Variants in PPM1E observed in about 807,000 individuals in gnomAD.
PPM1E encodes protein phosphatase 1E.
PPM1E carries 20 observed loss-of-function variants against 65.9 expected under a neutral mutation model. The ratio of observed to expected loss-of-function variants is 0.30; its 90% CI spans 0.21 to 0.44. PPM1E has a LOEUF of 0.44. PPM1E is among the 20% of genes least tolerant of loss of function. The pLI is 1.00. For missense variants in PPM1E, 713 were observed against 953.1 expected (o/e 0.75, Z 3.32); for synonymous variants, 352 against 374.9 (o/e 0.94, Z 0.70).
chr17:58,937,908 A>G (rs1384366815), intron 1 of PPM1E, among the ~76,000 whole-genome samples: 2 of 148,122 alleles, frequency 1.4e-5, no homozygotes, highest in South Asian at 2.1e-4. Context: ...AAGAAAGAAA[A>G]GAAAGAAAGA....
At chr17:58,791,994 T>G (rs529161982) in intron 1 of PPM1E, among the ~76,000 whole-genome samples, 1 of 152,268 alleles carries the variant, frequency 6.6e-6, no homozygotes, top group African/African-American at 2.4e-5. Context: ...TGCCCATTTC[T>G]TCCCTATACA....
chr17:58,922,665 T>C (rs2051767556), intron 1 of PPM1E, among the ~76,000 whole-genome samples: 1 of 151,570 alleles, frequency 6.6e-6, no homozygotes, highest in Non-Finnish European at 1.5e-5. Flanking sequence ...GTGAACATCT[T>C]TAAATATATG....
chr17:58,840,317 G>T (rs2143213403), intron 1 of PPM1E, among the ~76,000 whole-genome samples: 1 of 152,290 alleles, frequency 6.6e-6, no homozygotes, highest in East Asian at 1.9e-4. Context: ...GATACCACAT[G>T]GCTCAAAACC....
chr17:58,795,428 T>G (rs1235373683), intron 1 of PPM1E, among the ~76,000 whole-genome samples: 1 of 152,038 alleles, frequency 6.6e-6, no homozygotes, highest in Admixed American at 6.6e-5. Flanking sequence ...TCTGGCTGGG[T>G]GTGGGGGCTC....
At chr17:58,887,400 C>T (rs2143415872) in intron 1 of PPM1E, among the ~76,000 whole-genome samples, 1 of 152,262 alleles carries the variant, frequency 6.6e-6, no homozygotes, top group South Asian at 2.1e-4. Context: ...CTCCCGACCT[C>T]AGGTGATCTG....
At position 58,886,588 on chromosome 17, in the gene PPM1E, C is replaced by A. The variant is rs1226527207; in HGVS notation, c.465-69061C>A. On this transcript the variant is annotated intron_variant, in intron 1 of 6. Coordinates refer to ENST00000308249, the MANE Select transcript of PPM1E (RefSeq NM_014906.5). ...CCACAATTCCATTTTCTTTTATTTCCCCTTTTGCCTTTACTAGCTTGAATT... is the reference window on the plus strand; with the variant it reads ...CCACAATTCCATTTTCTTTTATTTCACCTTTTGCCTTTACTAGCTTGAATT... 2.0e-5 allele frequency among the ~76,000 whole-genome samples: 3 copies of A among 152,122 alleles called. No individual in the cohort carries two copies. The East Asian group carries it at 5.8e-4, about 29-fold the overall frequency.
intron 1 of PPM1E, among the ~76,000 whole-genome samples, chr17:58,896,119 AAAAAAG>A (rs988870702): frequency 8.0e-5 from 10 of 124,896 alleles, no homozygotes; most frequent in Admixed American, 4.8e-4. Context: ...TGTCTCAAAA[AAAAAAG>A]AAAAAGAAAA....
At position 58,974,751 on chromosome 17, in the gene PPM1E, C is replaced by T. The variant is rs75841522; in HGVS notation, c.1210+1826C>T. 2.4e-3 allele frequency among the ~76,000 whole-genome samples: 366 copies of T among 152,144 alleles called. 1 individual carries two copies. The highest frequency in any genetic ancestry group is 3.3e-3 in the Non-Finnish European group (223 of 68,004). The stretch of plus-strand genomic sequence containing the variant: ...TTTAGTTAAAAATTACCAAAAATTC[C>T]AGAACATGAAGAAAATCTGAAAGGA... On this transcript the variant is annotated intron_variant, in intron 6 of 6. Coordinates refer to ENST00000308249, the MANE Select transcript of PPM1E (RefSeq NM_014906.5).
chr17:58,906,088 T>C (rs1334879847), intron 1 of PPM1E, among the ~76,000 whole-genome samples: 2 of 152,198 alleles, frequency 1.3e-5, no homozygotes, highest in East Asian at 3.8e-4. Context: ...ATCAAATTTG[T>C]ATCAATTAAT....
At position 58,956,452 on chromosome 17, in the gene PPM1E, C is replaced by A. The variant is rs145893835; in HGVS notation, c.583+685C>A. Among the ~76,000 whole-genome samples the A allele has an allele frequency of 1.7e-4, 19 of 113,238 alleles. No homozygotes were observed. In the South Asian group the frequency reaches 4.3e-3, roughly 26 times the overall value. The allele number at this position is 113,238 out of a possible 152,430, so 74.3% of individuals were successfully genotyped here. A position where few individuals can be genotyped will look rare whatever the true frequency, so the allele number is the denominator to read the frequency against. The stretch of plus-strand genomic sequence containing the variant: ...CTCTGTCTCAAAAAAAAACAAAAAA[C>A]AAAAAACAAAAAAAAAAACCTTAAC... On this transcript the variant is annotated intron_variant, in intron 2 of 6. Transcript: ENST00000308249.
At chr17:58,943,371 A>G (rs1442707380) in intron 1 of PPM1E, among the ~76,000 whole-genome samples, 6 of 152,210 alleles carry the variant, frequency 3.9e-5, no homozygotes, top group African/African-American at 9.6e-5. Flanking sequence ...TAAACCGCCA[A>G]TCTTGTGACA....
intron 1 of PPM1E, among the ~76,000 whole-genome samples, chr17:58,863,277 T>C (rs546137519): frequency 1.3e-5 from 2 of 152,306 alleles, no homozygotes; most frequent in South Asian, 4.1e-4. Context: ...GTGAGACTCA[T>C]GAAGGGGTGG....
At chr17:58,894,591 A>G (rs1194623361) in intron 1 of PPM1E, among the ~76,000 whole-genome samples, 2 of 152,234 alleles carry the variant, frequency 1.3e-5, no homozygotes, top group African/African-American at 2.4e-5. Flanking sequence ...AGTTCTGACT[A>G]TTTTCAAGAA....
chr17:58,926,573 A>C (rs1193473544), intron 1 of PPM1E, among the ~76,000 whole-genome samples: 1 of 152,060 alleles, frequency 6.6e-6, no homozygotes, highest in African/African-American at 2.4e-5. Flanking sequence ...CTTAGCATCC[A>C]TAGCCAATTA....
At chr17:58,930,787 C>T (rs988667809) in intron 1 of PPM1E, among the ~76,000 whole-genome samples, 11 of 151,938 alleles carry the variant, frequency 7.2e-5, no homozygotes, top group African/African-American at 2.7e-4. Flanking sequence ...GGAAATTAAC[C>T]AAGTGTTTAA....
Position 58,906,777 on chromosome 17 carries a change from T to C in PPM1E, c.465-48872T>C, listed in dbSNP as rs557976192. Among the ~76,000 whole-genome samples, 18 of 152,310 alleles carry C rather than the reference T, an allele frequency of 1.2e-4. No homozygotes were observed. The South Asian group carries it at 2.9e-3, about 25-fold the overall frequency. ...CTAATGTGGAAACTTAAATTATTTA[T>C]TTTAAATTTTTTTTCTAATATATGC... On this transcript the variant is annotated intron_variant, in intron 1 of 6. Transcript: ENST00000308249.
At chr17:58,875,147 A>G (rs1039220303) in intron 1 of PPM1E, among the ~76,000 whole-genome samples, 3 of 152,216 alleles carry the variant, frequency 2.0e-5, no homozygotes, top group Non-Finnish European at 4.4e-5. Context: ...AATTATTATA[A>G]TAAGCCTGAA....
chr17:58,824,794 G>A (rs2050516648), intron 1 of PPM1E, among the ~76,000 whole-genome samples: 1 of 147,262 alleles, frequency 6.8e-6, no homozygotes, highest in Admixed American at 6.8e-5. Context: ...TTTTTCAGTA[G>A]TGACAGAGTT....
At chr17:58,800,367 G>A (rs1041342251) in intron 1 of PPM1E, among the ~76,000 whole-genome samples, 1 of 151,942 alleles carries the variant, frequency 6.6e-6, no homozygotes, top group Non-Finnish European at 1.5e-5. Flanking sequence ...AAGGATATTA[G>A]CCTATAATAT....
Sources: gnomAD v4.1 joint callset for allele counts (sites outside exome capture counted in the v4.1 genomes callset) on GRCh38, gnomAD v4.1.1 for gene constraint, MANE v1.5 for transcripts, NCBI Gene and HGNC (gene_info 2026-07-23, HGNC 2026-07-21) for gene names.